ATL2: variants seen among roughly 807,000 people sequenced by gnomAD.
ATL2 encodes the protein atlastin-2.
ATL2 carries 31 observed loss-of-function variants against 73.9 expected under a neutral mutation model. The observed-to-expected ratio is 0.42, with a 90% CI of 0.32 to 0.57. The LOEUF is 0.57. ATL2 is among the 20% of genes least tolerant of loss of function. The pLI, the probability that ATL2 is intolerant of heterozygous loss-of-function variation, is 0.14. For missense variants in ATL2, 738 were observed against 702.6 expected (o/e 1.05, Z -0.57); for synonymous variants, 291 against 237.5 (o/e 1.23, Z -2.07).
chr2:38,312,144 T>C (rs1163075183), intron 7 of ATL2, among the ~76,000 whole-genome samples: 2 of 152,214 alleles, frequency 1.3e-5, no homozygotes, highest in Non-Finnish European at 2.9e-5. Context: ...GGTCTTTATG[T>C]ATCCTTTGTG....
At chr2:38,370,971 A>G (rs373762100) in intron 1 of ATL2, among the ~76,000 whole-genome samples, 1 of 151,936 alleles carries the variant, frequency 6.6e-6, no homozygotes, top group East Asian at 1.9e-4. Context: ...GGGGAAAAAA[A>G]TAAGGAAAAA....
At chr2:38,352,759 T>C (rs143593078) in intron 1 of ATL2, among the ~76,000 whole-genome samples, 1,526 of 152,272 alleles carry the variant, frequency 0.01, 50 homozygotes, top group Non-Finnish European at 9.2e-3. Flanking sequence ...AATCGACATA[T>C]CTTAGAATTA....
intron 9 of ATL2, among the ~76,000 whole-genome samples, chr2:38,306,033 T>C (rs539313076): frequency 2.0e-5 from 3 of 151,710 alleles, no homozygotes; most frequent in East Asian, 3.9e-4. Context: ...ATGACCCAAA[T>C]AAATAAAATC....
rs529844482 is a variant in ATL2, at chr2:38,368,443, G to C, written c.118+8700C>G. ...AATTTTGTATTTTTAGTAGAGGCGGGGTTTCTCCATGTTGGTCAGGCTGGT... is the reference window on the plus strand; with the variant it reads ...AATTTTGTATTTTTAGTAGAGGCGGCGTTTCTCCATGTTGGTCAGGCTGGT... On this transcript the variant is annotated intron_variant, in intron 1 of 12. Transcript: ENST00000378954. Among the ~76,000 whole-genome samples, 138 of 151,972 alleles carry C rather than the reference G, an allele frequency of 9.1e-4. 1 individual carries two copies. The highest frequency in any genetic ancestry group is 3.3e-3 in the African/African-American group (135 of 41,456).
In ATL2 at chr2:38,294,280, G is replaced by T. The variant is rs1666765331; in HGVS notation, c.*1714C>A. 6.6e-6 allele frequency among the ~76,000 whole-genome samples: 1 copy of T among 152,206 alleles called. No individual in the cohort carries two copies. The highest frequency in any genetic ancestry group is 1.5e-5 in the Non-Finnish European group (1 of 68,042). On this transcript the variant is annotated 3_prime_UTR_variant, in exon 13 of 13. Coordinates refer to ENST00000378954, the MANE Select transcript of ATL2 (RefSeq NM_001135673.4). ...AAGCAAACTAAGGGCCGGGCGCGGT[G>T]GCTCACGCCTGTAATCCCAACACTT...
intron 1 of ATL2, among the ~76,000 whole-genome samples, chr2:38,345,785 C>G (rs1669982466): frequency 6.6e-6 from 1 of 152,162 alleles, no homozygotes; most frequent in Non-Finnish European, 1.5e-5. Flanking sequence ...TGGTTTAAGA[C>G]CATGAAGTAG....
intron 1 of ATL2, among the ~76,000 whole-genome samples, chr2:38,362,105 T>A (rs1671048271): frequency 6.6e-6 from 1 of 152,164 alleles, no homozygotes; most frequent in Non-Finnish European, 1.5e-5. Context: ...TATTAGCTAA[T>A]CGACTCTTAT....
chr2:38,315,964 A>C (rs1403635366), intron 4 of ATL2, among the ~76,000 whole-genome samples: 1 of 152,200 alleles, frequency 6.6e-6, no homozygotes, highest in Non-Finnish European at 1.5e-5. Context: ...AGGAGACTAG[A>C]GTTGATAAAG....
At position 38,315,260 on chromosome 2, in the gene ATL2, A is replaced by G. The variant is rs548379217; in HGVS notation, c.654+24T>C. On this transcript the variant is annotated intron_variant, in intron 5 of 12. Coordinates refer to ENST00000378954, the MANE Select transcript of ATL2 (RefSeq NM_001135673.4). ...GAGCGAAACTCCATCTCAAAAAATA[A>G]AAATTAAAAAAAGAAATACGTACTT... The G allele has an allele frequency of 4.8e-6, 7 of 1,472,328 alleles. No homozygotes were observed. The South Asian group carries it at 1.0e-4, about 21-fold the overall frequency. 91.2% of individuals were successfully genotyped at this position (1,472,328 alleles called of 1,614,324 possible).
Position 38,318,522 on chromosome 2 carries a change from T to C in ATL2, c.603+13A>G. The C allele has an allele frequency of 2.6e-6, 4 of 1,556,984 alleles. No individual in the cohort carries two copies. The highest frequency in any genetic ancestry group is 3.5e-6 in the Non-Finnish European group (4 of 1,151,890). On this transcript the variant is annotated intron_variant, in intron 4 of 12. Transcript: ENST00000378954. The stretch of plus-strand genomic sequence containing the variant: ...TACGTGAACTGATCGCACCACTTAA[T>C]CTTGTGTCTCACCTGGACAGAGCTA...
intron 2 of ATL2, among the ~76,000 whole-genome samples, chr2:38,338,907 A>C (rs1453053023): frequency 6.6e-6 from 1 of 152,190 alleles, no homozygotes; most frequent in Non-Finnish European, 1.5e-5. Context: ...GTTCTTCAAA[A>C]TAGCTTACCA....
intron 2 of ATL2, among the ~76,000 whole-genome samples, chr2:38,332,681 A>T (rs1441060587): frequency 6.6e-6 from 1 of 152,184 alleles, no homozygotes; most frequent in African/African-American, 2.4e-5. Flanking sequence ...AAGTTCAACA[A>T]AGACTCCTAG....
At chr2:38,325,668 A>C (rs1668579168) in intron 2 of ATL2, among the ~76,000 whole-genome samples, 1 of 49,396 alleles carries the variant, frequency 2.0e-5, no homozygotes, top group African/African-American at 2.3e-4. Context: ...CAGTACACAC[A>C]CACACACACA....
chr2:38,311,717 A>G (rs1667766948), intron 7 of ATL2, among the ~76,000 whole-genome samples: 1 of 152,218 alleles, frequency 6.6e-6, no homozygotes, highest in African/African-American at 2.4e-5. Flanking sequence ...GAGTGCTTCT[A>G]GGTGCTGGCT....
At chr2:38,357,610 C>G (rs1274288922) in intron 1 of ATL2, among the ~76,000 whole-genome samples, 1 of 144,020 alleles carries the variant, frequency 6.9e-6, no homozygotes, top group African/African-American at 2.7e-5. Flanking sequence ...CAAGATCGCA[C>G]CACTGCACTC....
intron 12 of ATL2, among the ~76,000 whole-genome samples, chr2:38,297,365 C>T (rs748140283): frequency 3.3e-5 from 5 of 152,150 alleles, no homozygotes; most frequent in African/African-American, 9.7e-5. Context: ...CATTAATAAC[C>T]GTAGCTTTCA....
chr2:38,318,750 T>C (rs1039864094), intron 3 of ATL2, 111 bp from the exon 4 acceptor site: 2 of 1,307,650 alleles, frequency 1.5e-6, no homozygotes, highest in Non-Finnish European at 2.1e-6. Context: ...AAAGTACTTA[T>C]ATCTCATACA....
intron 6 of ATL2, among the ~76,000 whole-genome samples, chr2:38,314,188 A>G (rs1426489723): frequency 2.6e-5 from 4 of 152,174 alleles, no homozygotes; most frequent in Admixed American, 1.3e-4. Context: ...AAAATAAACT[A>G]TCTGGAACTT....
intron 1 of ATL2, among the ~76,000 whole-genome samples, chr2:38,353,383 C>T (rs1036402441): frequency 1.3e-5 from 2 of 151,902 alleles, no homozygotes; most frequent in Admixed American, 6.6e-5. Flanking sequence ...GCAAAGAGAT[C>T]AAAAGAGATT....
Sources: gnomAD v4.1 joint callset for allele counts (sites outside exome capture counted in the v4.1 genomes callset) on GRCh38, gnomAD v4.1.1 for gene constraint, MANE v1.5 for transcripts, NCBI Gene and HGNC (gene_info 2026-07-23, HGNC 2026-07-21) for gene names.